The following DNAH9 variants were observed in gnomAD, a reference collection of about 807,000 sequenced individuals.
The protein encoded by DNAH9 is DNAH9 variant protein.
A neutral mutation model predicts 471.6 loss-of-function variants in DNAH9; 345 were observed. The observed-to-expected ratio is 0.73, with a 90% CI of 0.67 to 0.80. DNAH9 has a LOEUF of 0.80. Ranked by LOEUF, DNAH9 falls within the 30% of genes least tolerant of loss-of-function variation. The pLI is 0.00. For synonymous variants in DNAH9, 2,093 were observed against 2,123.6 expected, an observed-to-expected ratio of 0.99 and a Z score of 0.40; for missense variants, 5,407 against 5,609.2, an observed-to-expected ratio of 0.96 and a Z score of 1.15.
intron 59 of DNAH9, among the ~76,000 whole-genome samples, chr17:11,895,806 G>T (rs1251367755): frequency 6.6e-6 from 1 of 152,144 alleles, no homozygotes; most frequent in Non-Finnish European, 1.5e-5. Context: ...ATGTGGGATT[G>T]GTGTGCTCAT....
Position 11,610,394 on chromosome 17 carries a change from A to G in DNAH9, c.615-2A>G, listed in dbSNP as rs2072609192. 1 of 1,610,496 alleles carries G rather than the reference A, an allele frequency of 6.2e-7. No homozygotes were observed. The highest frequency in any genetic ancestry group is 8.5e-7 in the Non-Finnish European group (1 of 1,178,450). On this transcript the variant is annotated splice_acceptor_variant, in intron 2 of 68. Coordinates refer to ENST00000262442, the MANE Select transcript of DNAH9 (RefSeq NM_001372.4). LOFTEE classifies it high-confidence loss of function. ...TCATTGTTGTTGTTTTGTCTTTCAC[A>G]GCTTGGATTCTATAGATAAGTCAGT...
intron 44 of DNAH9, among the ~76,000 whole-genome samples, chr17:11,809,677 A>G (rs144343740): frequency 6.6e-6 from 1 of 152,274 alleles, no homozygotes; most frequent in African/African-American, 2.4e-5. Context: ...ACCAAGAGCA[A>G]TGGCTTGCCT....
At chr17:11,839,428 A>G (rs902362481) in intron 49 of DNAH9, among the ~76,000 whole-genome samples, 5 of 151,972 alleles carry the variant, frequency 3.3e-5, no homozygotes, top group Non-Finnish European at 7.4e-5. Flanking sequence ...AGGCAGAGGA[A>G]TGGCATGAAC....
intron 55 of DNAH9, among the ~76,000 whole-genome samples, chr17:11,881,992 T>C (rs1163979768): frequency 1.3e-5 from 2 of 152,172 alleles, no homozygotes; most frequent in Non-Finnish European, 2.9e-5. Context: ...TGAGTGCTGC[T>C]GATCACACAG....
At chr17:11,961,829 C>T (rs376103728) in intron 67 of DNAH9, 38 bp from the exon 68 acceptor site, 2 of 1,555,162 alleles carry the variant, frequency 1.3e-6, no homozygotes, top group African/African-American at 2.7e-5. Context: ...GGACTTCCCA[C>T]CTTCTCACGC....
chr17:11,809,492 G>T (rs959922691), intron 44 of DNAH9, among the ~76,000 whole-genome samples: 2 of 152,098 alleles, frequency 1.3e-5, no homozygotes, highest in African/African-American at 4.8e-5. Flanking sequence ...CCTTGAACCC[G>T]AGAGGCGGAG....
chr17:11,715,816 A>G (rs2074949895), intron 26 of DNAH9, among the ~76,000 whole-genome samples: 1 of 152,178 alleles, frequency 6.6e-6, no homozygotes, highest in Admixed American at 6.5e-5. Flanking sequence ...GACACTTCAT[A>G]GTGAGGCAAG....
intron 15 of DNAH9, among the ~76,000 whole-genome samples, chr17:11,666,063 C>T (rs2073861255): frequency 6.6e-6 from 1 of 152,120 alleles, no homozygotes; most frequent in African/African-American, 2.4e-5. Flanking sequence ...CTCAGGAAAT[C>T]CAGCATAGTT....
chr17:11,608,600 C>T (rs2072559381), intron 2 of DNAH9, among the ~76,000 whole-genome samples: 1 of 152,168 alleles, frequency 6.6e-6, no homozygotes, highest in Non-Finnish European at 1.5e-5. Context: ...CTGAGCGCAA[C>T]CACACTAGCT....
intron 52 of DNAH9, chr17:11,873,517 A>T (rs577003250): frequency 6.6e-6 from 1 of 152,130 alleles, no homozygotes; most frequent in African/African-American, 2.4e-5. Flanking sequence ...AGGATGGGAG[A>T]TGGTTTGGAG....
rs184750839 is a variant in DNAH9, at chr17:11,871,843, A to T, written c.10242+57A>T. On this transcript the variant is annotated intron_variant, in intron 52 of 68. Coordinates refer to ENST00000262442, the MANE Select transcript of DNAH9 (RefSeq NM_001372.4). ...TCAGCCTCTGGGCACCAATGGGAAG[A>T]CATCACGGTCATAATTCGCATCCTC... The T allele has an allele frequency of 3.3e-5, 52 of 1,570,404 alleles. No homozygotes were observed. The East Asian group carries it at 1.1e-3, about 35-fold the overall frequency.
chr17:11,829,396 A>G (rs1208279701), intron 48 of DNAH9, among the ~76,000 whole-genome samples: 1 of 152,242 alleles, frequency 6.6e-6, no homozygotes, highest in Admixed American at 6.5e-5. Flanking sequence ...AGAAGTAGGA[A>G]TGATAATTGT....
At chr17:11,828,020 C>T (rs938154806) in intron 48 of DNAH9, among the ~76,000 whole-genome samples, 1 of 152,176 alleles carries the variant, frequency 6.6e-6, no homozygotes, top group Non-Finnish European at 1.5e-5. Context: ...AAAATACACC[C>T]AGAATCCCAC....
chr17:11,878,022 C>T (rs763483772), intron 53 of DNAH9, among the ~76,000 whole-genome samples: 6 of 152,214 alleles, frequency 3.9e-5, no homozygotes, highest in Non-Finnish European at 7.3e-5. Flanking sequence ...ACATGAACCA[C>T]CGCGCCCGGC....
intron 22 of DNAH9, among the ~76,000 whole-genome samples, chr17:11,699,261 TA>T (rs1039063545): frequency 2.7e-5 from 4 of 150,368 alleles, no homozygotes; most frequent in African/African-American, 9.8e-5. Flanking sequence ...AAAATAAAAA[TA>T]AAAAAAGACT....
Position 11,598,813 on chromosome 17 carries a change from C to A in DNAH9, c.315C>A (p.Arg105=), listed in dbSNP as rs764563755. Residue 105 remains arginine, a synonymous_variant, in exon 1 of 69, where the codon CGC becomes CGA. Coordinates refer to ENST00000262442, the MANE Select transcript of DNAH9 (RefSeq NM_001372.4). ...LAGAKALFFL[R]TGPEPPGPDS... ...GCGCTAAGGCGCTTTTTTTCCTTCG[C>A]ACCGGGCCCGAGCCTCCAGGGCCCG... The A allele has an allele frequency of 1.3e-6, 2 of 1,485,640 alleles. No homozygotes were observed. Among genetic ancestry groups the A allele is most frequent in the Non-Finnish European group, 8.9e-7 (1 of 1,122,006 alleles). 92.0% of individuals were successfully genotyped at this position (1,485,640 alleles called of 1,614,324 possible). A position where few individuals can be genotyped will look rare whatever the true frequency, so the allele number is the denominator to read the frequency against.
intron 46 of DNAH9, 136 bp downstream of exon 46, chr17:11,822,198 A>C (rs1970331508): frequency 8.9e-7 from 1 of 1,124,504 alleles, no homozygotes; most frequent in Non-Finnish European, 1.2e-6. Context: ...TCTCAGCCTG[A>C]GCACAGTTGC....
chr17:11,921,476 G>C (rs558883286), intron 61 of DNAH9, among the ~76,000 whole-genome samples: 1 of 152,032 alleles, frequency 6.6e-6, no homozygotes, highest in African/African-American at 2.4e-5. Context: ...ACCATATGTA[G>C]AGCTGGAAGG....
At position 11,797,727 on chromosome 17, in the gene DNAH9, T is replaced by G; in HGVS notation, c.8354T>G (p.Leu2785Trp). 1 of 1,614,222 alleles carries G rather than the reference T, an allele frequency of 6.2e-7. No individual in the cohort carries two copies. Among genetic ancestry groups the G allele is most frequent in the South Asian group, 1.1e-5 (1 of 91,082 alleles). ...TTGACCCAGACTCTGGTGGAGGCCTTGGAGAACCACAATGAAGTCAACACA... is the reference window on the plus strand; with the variant it reads ...TTGACCCAGACTCTGGTGGAGGCCTGGGAGAACCACAATGAAGTCAACACA... ...ELLTQTLVEA[L>W]ENHNEVNTVM... Residue 2785 changes from leucine to tryptophan, a missense_variant, in exon 43 of 69, where the codon TTG becomes TGG. By Grantham distance (61) the Leu-to-Trp change is moderately conservative. This residue lies in a region of DNAH9 where 4,636 missense variants were observed against 4,900.3 expected (regional missense o/e 0.95). Coordinates refer to ENST00000262442, the MANE Select transcript of DNAH9 (RefSeq NM_001372.4).
Sources: gnomAD v4.1 joint callset for allele counts (sites outside exome capture counted in the v4.1 genomes callset) on GRCh38, gnomAD v4.1.1 for gene constraint, gnomAD v4.1.1 regional missense constraint, MANE v1.5 for transcripts, NCBI Gene and HGNC (gene_info 2026-07-23, HGNC 2026-07-21) for gene names.